Variants in UGT1A10 observed in about 807,000 individuals in gnomAD.
UGT1A10 encodes the protein UDP glucuronosyltransferase family 1 member A10, also known as UDP-glucuronosyltransferase 1A10.
Under a neutral mutation model 45.8 loss-of-function variants are expected in UGT1A10, and 49 were observed. That is an observed-to-expected ratio of 1.07 (90% CI 0.85 to 1.36). The LOEUF (loss-of-function observed/expected upper bound fraction) is 1.36. Among genes scored for constraint, UGT1A10 ranks in the 40% most tolerant of loss-of-function variants. The probability of loss-of-function intolerance (pLI) is 0.00; values close to 1 mark genes in which losing one functional copy is unlikely to be tolerated. For synonymous variants in UGT1A10, 284 were observed against 249.7 expected, an observed-to-expected ratio of 1.14 and a Z score of -1.29; for missense variants, 745 against 668.6, an observed-to-expected ratio of 1.11 and a Z score of -1.26.
At chr2:233,649,025 T>C in intron 1 of UGT1A10, 2 of 1,259,398 alleles carry the variant, frequency 1.6e-6, no homozygotes, top group South Asian at 3.2e-5. Flanking sequence ...CCAGTGCCTA[T>C]GGTAAGTCAT....
rs751184944 is a variant in UGT1A10 at position 233,672,266 on chromosome 2, G to A, written c.855+34889G>A. 4.3e-6 allele frequency: 7 copies of A among 1,613,926 alleles called. 1 individual carries two copies. Among genetic ancestry groups the A allele is most frequent in the South Asian group, 3.3e-5 (3 of 91,078 alleles). On this transcript the variant is annotated intron_variant, in intron 1 of 4. Transcript: ENST00000344644. ...CGAAGTATATATTCTCTATTAATGG[G>A]TTCATACAATGACATTTTTGACTTA... is the stretch of plus-strand genomic sequence containing the variant.
chr2:233,707,937 C>A (rs1197713687), intron 1 of UGT1A10, among the ~76,000 whole-genome samples: 2 of 152,160 alleles, frequency 1.3e-5, no homozygotes, highest in Non-Finnish European at 2.9e-5. Flanking sequence ...ACTTATCAGT[C>A]ATTTGGATTT....
At chr2:233,700,559 AT>A (rs1186450752) in intron 1 of UGT1A10, among the ~76,000 whole-genome samples, 1 of 152,204 alleles carries the variant, frequency 6.6e-6, no homozygotes, top group African/African-American at 2.4e-5. Context: ...GGTTATAAAA[AT>A]ATAACTTTAT....
intron 1 of UGT1A10, among the ~76,000 whole-genome samples, chr2:233,639,427 A>G (rs914880051): frequency 1.3e-5 from 2 of 152,234 alleles, no homozygotes; most frequent in South Asian, 2.1e-4. Context: ...ATTGTCATCA[A>G]AAGAACGATG....
rs28969993 is a variant in UGT1A10 at position 233,658,629 on chromosome 2, A to T, written c.855+21252A>T. 3.6e-3 allele frequency among the ~76,000 whole-genome samples: 546 copies of T among 152,202 alleles called. 11 individuals carry two copies. The East Asian group carries it at 0.076, about 21-fold the overall frequency. Reference sequence around the variant, plus strand: ...CAGTCTTGGTTTGTCTGATGTTTTGATCATGGTTAGACTGGGGTTATAGGT... The same window carrying T: ...CAGTCTTGGTTTGTCTGATGTTTTGTTCATGGTTAGACTGGGGTTATAGGT... On this transcript the variant is annotated intron_variant, in intron 1 of 4. Coordinates refer to ENST00000344644, the MANE Select transcript of UGT1A10 (RefSeq NM_019075.4).
intron 1 of UGT1A10, among the ~76,000 whole-genome samples, chr2:233,764,385 C>A (rs1299567681): frequency 6.6e-6 from 1 of 152,140 alleles, no homozygotes; most frequent in African/African-American, 2.4e-5. Context: ...AGGAGTTGGC[C>A]GTGATGACAA....
chr2:233,690,596 A>C (rs1009187334), intron 1 of UGT1A10: 3 of 1,289,658 alleles, frequency 2.3e-6, no homozygotes, highest in Admixed American at 2.3e-5. Context: ...GAGAAAAAAA[A>C]AAAATCGGCC....
chr2:233,756,159 C>T (rs1012245411), intron 1 of UGT1A10: 2 of 152,210 alleles, frequency 1.3e-5, no homozygotes, highest in Non-Finnish European at 2.9e-5. Context: ...CCTAGGATTT[C>T]CTGGCTCATA....
intron 1 of UGT1A10, among the ~76,000 whole-genome samples, chr2:233,734,657 A>G (rs1389558129): frequency 6.6e-6 from 1 of 152,186 alleles, no homozygotes; most frequent in African/African-American, 2.4e-5. Context: ...ATTTAATGCT[A>G]TAAATTTCCC....
intron 1 of UGT1A10, among the ~76,000 whole-genome samples, chr2:233,763,107 T>C (rs2126002075): frequency 6.6e-6 from 1 of 152,392 alleles, no homozygotes; most frequent in East Asian, 1.9e-4. Context: ...CACCGAACTT[T>C]ATCAGCTGCC....
chr2:233,659,061 T>G (rs556134047), intron 1 of UGT1A10, among the ~76,000 whole-genome samples: 76 of 152,330 alleles, frequency 5.0e-4, no homozygotes, highest in Admixed American at 1.8e-3. Context: ...AATTTTGAGT[T>G]TTCCAATTCT....
At chr2:233,762,169 G>A (rs1019594932) in intron 1 of UGT1A10, among the ~76,000 whole-genome samples, 34 of 152,020 alleles carry the variant, frequency 2.2e-4, no homozygotes, top group Non-Finnish European at 2.4e-4. Flanking sequence ...CACTGTATGC[G>A]GCGTCCTCAA....
At chr2:233,648,639 T>C in intron 1 of UGT1A10, 1 of 237,904 alleles carries the variant, frequency 4.2e-6, no homozygotes, top group East Asian at 1.1e-4. Context: ...TTTTTTTTTG[T>C]ATTTTTAGTG....
intron 1 of UGT1A10, chr2:233,682,115 C>T (rs2074558733): frequency 1.2e-6 from 2 of 1,614,154 alleles, no homozygotes; most frequent in Non-Finnish European, 1.7e-6. Flanking sequence ...CGTAGTCATG[C>T]CAGAGGTGAG....
intron 1 of UGT1A10, chr2:233,719,161 T>A (rs2076731921): frequency 6.2e-7 from 1 of 1,614,132 alleles, no homozygotes; most frequent in Non-Finnish European, 8.5e-7. Context: ...TCTAGAAGTA[T>A]GGCAATTATG....
intron 1 of UGT1A10, among the ~76,000 whole-genome samples, chr2:233,739,404 C>T (rs1454262492): frequency 2.0e-5 from 3 of 152,174 alleles, no homozygotes; most frequent in Admixed American, 2.0e-4. Flanking sequence ...ATCAATGCCA[C>T]CCTCTGAAAG....
In UGT1A10 at chr2:233,759,136, T is replaced by C. The variant is rs1257027587; in HGVS notation, c.856-7898T>C. 2.6e-5 allele frequency among the ~76,000 whole-genome samples: 4 copies of C among 152,326 alleles called. No individual in the cohort carries two copies. In the East Asian group the frequency reaches 7.7e-4, roughly 29 times the overall value. ...GGGAGTTACAGCCTCTGGTACGCAA[T>C]GAAGGTGAGTTCCACAGAACACAAG... On this transcript the variant is annotated intron_variant, in intron 1 of 4. Transcript: ENST00000344644.
rs116846522 is a variant in UGT1A10, at chr2:233,652,746, G to A, written c.855+15369G>A. Reference sequence around the variant, plus strand: ...AAGAATAATCTCTTCAACAGAGGTCGCTGAGACAGCTGCATATCCACATGC... The same window carrying A: ...AAGAATAATCTCTTCAACAGAGGTCACTGAGACAGCTGCATATCCACATGC... On this transcript the variant is annotated intron_variant, in intron 1 of 4. Coordinates refer to ENST00000344644, the MANE Select transcript of UGT1A10 (RefSeq NM_019075.4). 4.6e-3 allele frequency among the ~76,000 whole-genome samples: 706 copies of A among 152,252 alleles called. 17 individuals are homozygous for A. In the East Asian group the frequency reaches 0.071, roughly 15 times the overall value.
intron 1 of UGT1A10, 110 bp from the exon 2 acceptor site, chr2:233,766,924 A>G (rs985684086): frequency 6.4e-7 from 1 of 1,565,332 alleles, no homozygotes; most frequent in Admixed American, 1.9e-5. Flanking sequence ...TCAAACACGC[A>G]TGCCTTTAAT....
Sources: allele counts gnomAD v4.1 joint callset (sites outside exome capture counted in the v4.1 genomes callset), GRCh38; gene constraint gnomAD v4.1.1; transcripts MANE v1.5; gene names NCBI Gene and HGNC (gene_info 2026-07-23, HGNC 2026-07-21).